The following NUP210 variants were observed in gnomAD, a reference collection of about 807,000 sequenced individuals.
NUP210 encodes nuclear pore membrane glycoprotein 210.
NUP210 carries 151 observed loss-of-function variants against 196.0 expected under a neutral mutation model. That is an observed-to-expected ratio of 0.77 (90% CI 0.67 to 0.88). The LOEUF is 0.88. NUP210 is among the 40% of genes least tolerant of loss of function. The pLI is 0.00. For missense variants in NUP210, 2,314 were observed against 2,493.7 expected, an observed-to-expected ratio of 0.93 and a Z score of 1.53; for synonymous variants, 1,070 against 1,052.7, an observed-to-expected ratio of 1.02 and a Z score of -0.32.
At chr3:13,341,668 T>C in intron 23 of NUP210, 80 bp downstream of exon 23, 1 of 1,503,574 alleles carries the variant, frequency 6.7e-7, no homozygotes, top group South Asian at 1.2e-5. Flanking sequence ...CTACAGTAGC[T>C]TCCTGGACTG....
At chr3:13,385,828 A>G (rs1398133498) in intron 6 of NUP210, among the ~76,000 whole-genome samples, 3 of 152,274 alleles carry the variant, frequency 2.0e-5, no homozygotes, top group Non-Finnish European at 4.4e-5. Flanking sequence ...AATGTGGTCT[A>G]TCCATCCACA....
intron 13 of NUP210, among the ~76,000 whole-genome samples, chr3:13,370,820 C>A (rs1698706509): frequency 6.6e-6 from 1 of 152,244 alleles, no homozygotes; most frequent in African/African-American, 2.4e-5. Context: ...GGCGATCCTA[C>A]AAACACCTCT....
In NUP210 at chr3:13,328,826, T is replaced by C. The variant is rs1001092884; in HGVS notation, c.4231A>G (p.Asn1411Asp). Residue 1411 changes from asparagine (N) to aspartate (D), a missense_variant, in exon 31 of 40, where the codon AAC (asparagine) becomes GAC (aspartate). Asn to Asp is a conservative substitution (Grantham distance 23). Coordinates refer to ENST00000254508, the MANE Select transcript of NUP210 (RefSeq NM_024923.4). ...TGAGCATGGAAGACATCTCCAGAGT[T>C]GTCGTGGAAGTGGACAGTGAAGGTC... ...TVTFTVHFHDNSGDVFHAHSS... is the reference protein window; with the variant it reads ...TVTFTVHFHDDSGDVFHAHSS... 1.9e-6 allele frequency: 3 copies of C among 1,614,164 alleles called. No homozygotes were observed. The highest frequency in any genetic ancestry group is 2.5e-6 in the Non-Finnish European group (3 of 1,180,004).
At chr3:13,383,003 G>C (rs1699153053) in intron 6 of NUP210, among the ~76,000 whole-genome samples, 1 of 152,036 alleles carries the variant, frequency 6.6e-6, no homozygotes, top group African/African-American at 2.4e-5. Flanking sequence ...AAATTAGCCA[G>C]GCATGTGGTG....
chr3:13,369,325 T>C (rs1452935793), intron 13 of NUP210, among the ~76,000 whole-genome samples: 1 of 152,224 alleles, frequency 6.6e-6, no homozygotes, highest in Non-Finnish European at 1.5e-5. Flanking sequence ...ATCCTAGATA[T>C]TAACCCCTTA....
At chr3:13,329,457 T>A (rs779439332) in intron 30 of NUP210, among the ~76,000 whole-genome samples, 7 of 152,220 alleles carry the variant, frequency 4.6e-5, no homozygotes, top group Non-Finnish European at 1.0e-4. Context: ...GGTGAAAATC[T>A]ATCCTCGCTC....
chr3:13,363,511 C>T (rs1698435819), intron 14 of NUP210, among the ~76,000 whole-genome samples: 3 of 152,210 alleles, frequency 2.0e-5, no homozygotes, highest in Admixed American at 2.0e-4. Flanking sequence ...ATGAAAGTAT[C>T]ATGGAACCCT....
chr3:13,325,878 T>C lies in NUP210; in HGVS notation c.4561A>G (p.Lys1521Glu), dbSNP rs1417905859. ...GCCCGGGCCACAGCCACACCCGTCT[T>C]GGGGTCGATGTGGAGGATGCTGTTG... ...SANSILHIDP[K>E]TGVAVARAVG... is the part of the protein sequence containing the mutation. The change falls in exon 33 of 40, where the codon AAG becomes GAG. Residue 1521 changes from lysine to glutamate, a missense_variant. By Grantham distance (56) the Lys-to-Glu change is moderately conservative. Transcript: ENST00000254508. The C allele has an allele frequency of 6.2e-7, 1 of 1,614,068 alleles. No individual in the cohort carries two copies. The highest frequency in any genetic ancestry group is 1.1e-5 in the South Asian group (1 of 91,078).
Position 13,325,900 on chromosome 3 carries a change from G to A in NUP210, c.4539C>T (p.Asn1513=). The A allele has an allele frequency of 6.2e-7, 1 of 1,614,128 alleles. No individual in the cohort carries two copies. The highest frequency in any genetic ancestry group is 8.5e-7 in the Non-Finnish European group (1 of 1,180,028). ...GLSGTWSSSA[N]SILHIDPKTG... is the part of the protein sequence containing the mutation. ...TCTTGGGGTCGATGTGGAGGATGCT[G>A]TTGGCCGAGGAGCTCCAGGTTCCTG... The change falls in exon 33 of 40, where the codon AAC becomes AAT. Residue 1513 remains asparagine (N), a synonymous_variant. Coordinates refer to ENST00000254508, the MANE Select transcript of NUP210 (RefSeq NM_024923.4).
chr3:13,404,754 C>G (rs965331077), intron 1 of NUP210, among the ~76,000 whole-genome samples: 3 of 152,160 alleles, frequency 2.0e-5, no homozygotes, highest in African/African-American at 7.2e-5. Flanking sequence ...TTAGAAAAAC[C>G]CTATAGGTGT....
At chr3:13,327,148 A>G (rs1337055853) in intron 32 of NUP210, 69 bp downstream of exon 32, 9 of 1,294,288 alleles carry the variant, frequency 7.0e-6, no homozygotes, top group Non-Finnish European at 3.2e-6. Flanking sequence ...GCCCCTGCCC[A>G]GGTAGCCCCC....
rs150741893 is a variant in NUP210, at chr3:13,342,113, C to G, written c.2975G>C (p.Gly992Ala). 1.2e-5 allele frequency: 19 copies of G among 1,613,932 alleles called. No homozygotes were observed. In the Admixed American group the frequency reaches 1.5e-4, roughly 13 times the overall value. The part of the protein sequence containing the change: ...YIRVVDKVEI[G>A]KTVKAYVRVL... Reference sequence around the variant, plus strand: ...GCGGACGTATGCCTTCACTGTCTTCCCAATCTCCACCTGCATCATGGGGAC... The same window carrying G: ...GCGGACGTATGCCTTCACTGTCTTCGCAATCTCCACCTGCATCATGGGGAC... The change falls in exon 22 of 40, where the codon GGG (glycine) becomes GCG (alanine). Residue 992 changes from glycine to alanine, a missense_variant. Gly to Ala is a moderately conservative substitution (Grantham distance 60, BLOSUM62 0). Transcript: ENST00000254508.
At position 13,378,940 on chromosome 3, in the gene NUP210, A is replaced by G; in HGVS notation, c.1017T>C (p.Thr339=). 9 of 1,614,154 alleles carry G rather than the reference A, an allele frequency of 5.6e-6. No homozygotes were observed. Among genetic ancestry groups the G allele is most frequent in the Non-Finnish European group, 7.6e-6 (9 of 1,179,964 alleles). The change falls in exon 8 of 40, where the codon ACT becomes ACC. Residue 339 remains threonine (T), a synonymous_variant. Transcript: ENST00000254508. Reference sequence around the variant, plus strand: ...GGTATCCAGGTTCGACCACGTAGATAGTGCTGTTGGGTAACCTAGAAGCAC... The same window carrying G: ...GGTATCCAGGTTCGACCACGTAGATGGTGCTGTTGGGTAACCTAGAAGCAC... ...MQGASRLPNS[T]IYVVEPGYLG...
At chr3:13,326,021 C>T (rs570016490) in intron 32 of NUP210, 90 bp from the exon 33 acceptor site, 9 of 1,494,296 alleles carry the variant, frequency 6.0e-6, no homozygotes, top group Middle Eastern at 2.4e-4. Flanking sequence ...CCAGCTTCCT[C>T]GCTGGCTGCC....
At chr3:13,351,410 A>G (rs1461806423) in intron 20 of NUP210, among the ~76,000 whole-genome samples, 1 of 152,256 alleles carries the variant, frequency 6.6e-6, no homozygotes, top group Non-Finnish European at 1.5e-5. Flanking sequence ...CAAAGGTTTC[A>G]TGAGAATGAC....
chr3:13,322,378 G>A lies in NUP210; in HGVS notation c.4769-39C>T, dbSNP rs565634638. On this transcript the variant is annotated intron_variant, in intron 34 of 39. Transcript: ENST00000254508. ...AGACGAGAGGGTGTGGGCCAGGCCC[G>A]ATGGCCACCACACCAAATTCCACCA... 137 of 1,606,894 alleles carry A rather than the reference G, an allele frequency of 8.5e-5. 2 individuals are homozygous for A. The South Asian group carries it at 1.1e-3, about 13-fold the overall frequency.
At chr3:13,396,103 T>C (rs1405283066) in intron 3 of NUP210, among the ~76,000 whole-genome samples, 4 of 152,086 alleles carry the variant, frequency 2.6e-5, no homozygotes, top group Admixed American at 2.6e-4. Context: ...CTCTAAACAG[T>C]GGTTTGGCCC....
rs1400138527 is a variant in NUP210 at position 13,375,506 on chromosome 3, T to C, written c.1429A>G (p.Arg477Gly). The C allele has an allele frequency of 5.6e-6, 9 of 1,613,742 alleles. No homozygotes were observed. Among genetic ancestry groups the C allele is most frequent in the African/African-American group, 2.7e-5 (2 of 74,918 alleles). The change falls in exon 11 of 40, where the codon AGG becomes GGG. Residue 477 changes from arginine (R) to glycine (G), a missense_variant and splice_region_variant. Transcript: ENST00000254508. Reference sequence around the variant, plus strand: ...CAGAGGTGAGGGGTCTCACGTACCCTTATTGTGTACTGATAGGCGCCCGTC... The same window carrying C: ...CAGAGGTGAGGGGTCTCACGTACCCCTATTGTGTACTGATAGGCGCCCGTC... Reference protein sequence around the residue: ...PKTGAYQYTIRAHGGSGNFSW... With the variant: ...PKTGAYQYTIGAHGGSGNFSW...
chr3:13,343,221 A>C lies in NUP210; in HGVS notation c.2918T>G (p.Val973Gly). Residue 973 changes from valine (V) to glycine (G), a missense_variant, in exon 21 of 40, where the codon GTT (valine) becomes GGT (glycine). Transcript: ENST00000254508. ...LVFPAPAKAV[V>G]YVSDIQELYI... Reference sequence around the variant, plus strand: ...CAGCTCCTGAATGTCCGACACGTAAACGACAGCCTTGGCTGGGGCCGGGAA... The same window carrying C: ...CAGCTCCTGAATGTCCGACACGTAACCGACAGCCTTGGCTGGGGCCGGGAA... The C allele has an allele frequency of 6.2e-7, 1 of 1,610,530 alleles. No individual in the cohort carries two copies. Among genetic ancestry groups the C allele is most frequent in the Non-Finnish European group, 8.5e-7 (1 of 1,177,768 alleles).
Sources: gnomAD v4.1 joint callset for allele counts (sites outside exome capture counted in the v4.1 genomes callset) on GRCh38, gnomAD v4.1.1 for gene constraint, MANE v1.5 for transcripts, NCBI Gene and HGNC (gene_info 2026-07-23, HGNC 2026-07-21) for gene names.